Variants in SNX29 observed in about 807,000 individuals in gnomAD.
SNX29 encodes the protein sorting nexin-29.
In SNX29, 78 loss-of-function variants were observed where a neutral mutation model predicts 102.1. That is an observed-to-expected ratio of 0.76 (90% CI 0.64 to 0.92). The LOEUF (loss-of-function observed/expected upper bound fraction) is 0.92. Among genes scored for constraint, SNX29 ranks in the 40% least tolerant of loss-of-function variants. The pLI, the probability that SNX29 is intolerant of heterozygous loss-of-function variation, is 0.00. For missense variants in SNX29, 1,280 were observed against 1,061.7 expected, an observed-to-expected ratio of 1.21 and a Z score of -2.86; for synonymous variants, 580 against 414.5, an observed-to-expected ratio of 1.40 and a Z score of -4.85.
At position 12,568,589 on chromosome 16, in the gene SNX29, G is replaced by C; in HGVS notation, c.2402G>C (p.Arg801Pro). Residue 801 changes from arginine to proline, a missense_variant, in exon 21 of 21, where the codon CGG (arginine) becomes CCG (proline). Coordinates refer to ENST00000566228, the MANE Select transcript of SNX29 (RefSeq NM_032167.5). ...CCCAAACTGTCCCGGGGTCAGCCCC[G>C]GGAGACCCGCAACGTGGAGCCCCAG... is the stretch of plus-strand genomic sequence containing the variant. ...RFPKLSRGQP[R>P]ETRNVEPQSG... The C allele has an allele frequency of 6.2e-7, 1 of 1,606,580 alleles. No individual in the cohort carries two copies. The highest frequency in any genetic ancestry group is 1.1e-5 in the South Asian group (1 of 91,080).
intron 18 of SNX29, among the ~76,000 whole-genome samples, chr16:12,427,793 G>A (rs1597345077): frequency 2.0e-5 from 3 of 152,214 alleles, no homozygotes; most frequent in East Asian, 3.8e-4. Flanking sequence ...GAGCCCTGAT[G>A]TGTCTTCTTG....
At chr16:12,126,551 T>C in intron 11 of SNX29, 82 bp from the exon 12 acceptor site, 3 of 1,397,026 alleles carry the variant, frequency 2.1e-6, no homozygotes, top group Non-Finnish European at 3.0e-6. Flanking sequence ...TCATCCTTAA[T>C]AGCATATAAT....
Position 12,308,402 on chromosome 16 carries a change from C to T in SNX29, c.1782+30366C>T, listed in dbSNP as rs377418264. Among the ~76,000 whole-genome samples the T allele has an allele frequency of 1.3e-4, 20 of 152,322 alleles. No individual in the cohort carries two copies. In the East Asian group the frequency reaches 3.9e-3, roughly 29 times the overall value. On this transcript the variant is annotated intron_variant, in intron 15 of 20. Transcript: ENST00000566228. The stretch of plus-strand genomic sequence containing the variant: ...GGCTTTGGGTGGCATGTTATCCCTT[C>T]TGCAGGGATCAACCTCTTAGTAGCG...
At chr16:12,382,614 C>G (rs1158969920) in intron 16 of SNX29, among the ~76,000 whole-genome samples, 1 of 152,208 alleles carries the variant, frequency 6.6e-6, no homozygotes, top group Admixed American at 6.5e-5. Flanking sequence ...CTGCTGTAAC[C>G]AATTACCATA....
intron 13 of SNX29, among the ~76,000 whole-genome samples, chr16:12,198,406 T>G (rs1358280560): frequency 2.7e-5 from 4 of 149,750 alleles, no homozygotes; most frequent in Middle Eastern, 3.4e-3. Context: ...TTACCATGTT[T>G]TTTGCATTTC....
At chr16:12,567,416 A>G (rs1230031381) in intron 20 of SNX29, among the ~76,000 whole-genome samples, 1 of 152,236 alleles carries the variant, frequency 6.6e-6, no homozygotes, top group Non-Finnish European at 1.5e-5. Context: ...AATAGCGTAT[A>G]GTAGGCAGAG....
intron 11 of SNX29, among the ~76,000 whole-genome samples, chr16:12,111,904 G>T (rs563570992): frequency 3.3e-5 from 5 of 152,246 alleles, no homozygotes; most frequent in African/African-American, 1.2e-4. Flanking sequence ...GGGGTGTGTG[G>T]TGGGGGGTCT....
chr16:12,345,127 CT>C (rs1029531751), intron 15 of SNX29, among the ~76,000 whole-genome samples: 4 of 152,200 alleles, frequency 2.6e-5, no homozygotes, highest in African/African-American at 9.7e-5. Flanking sequence ...TGGCAGTGAT[CT>C]CCAGTAACAC....
At chr16:12,554,367 TGAA>T (rs2078188622) in intron 20 of SNX29, among the ~76,000 whole-genome samples, 1 of 110,626 alleles carries the variant, frequency 9.0e-6, no homozygotes, top group South Asian at 3.6e-4. Context: ...ACCTGTGTCT[TGAA>T]GGTGTTTCTG....
At chr16:12,393,676 T>C (rs1030989902) in intron 16 of SNX29, among the ~76,000 whole-genome samples, 16 of 152,344 alleles carry the variant, frequency 1.1e-4, no homozygotes, top group African/African-American at 3.8e-4. Context: ...ATATTTTGGC[T>C]GAGTCTTAGA....
chr16:12,037,672 C>T (rs886768271), intron 4 of SNX29, among the ~76,000 whole-genome samples: 1 of 151,956 alleles, frequency 6.6e-6, no homozygotes, highest in African/African-American at 2.4e-5. Context: ...GGGAAAGGGA[C>T]CAGGCTCAGT....
chr16:12,028,377 T>G (rs930965101), intron 4 of SNX29, among the ~76,000 whole-genome samples: 44 of 152,312 alleles, frequency 2.9e-4, no homozygotes, highest in African/African-American at 1.0e-3. Context: ...CTTATTTATT[T>G]TTTAGAGTTG....
chr16:12,339,105 C>T (rs373611282), intron 15 of SNX29, among the ~76,000 whole-genome samples: 2 of 152,178 alleles, frequency 1.3e-5, no homozygotes, highest in African/African-American at 4.8e-5. Context: ...TGGTGGCTCA[C>T]ACCTGTAATT....
At chr16:12,048,041 C>T (rs1206409771) in intron 6 of SNX29, among the ~76,000 whole-genome samples, 2 of 152,052 alleles carry the variant, frequency 1.3e-5, no homozygotes, top group African/African-American at 2.4e-5. Flanking sequence ...CCTTTACCTC[C>T]TCCCAGTTGA....
chr16:12,234,961 C>G (rs981576811), intron 14 of SNX29, among the ~76,000 whole-genome samples: 6 of 152,152 alleles, frequency 3.9e-5, no homozygotes, highest in Non-Finnish European at 5.9e-5. Context: ...CCATCCTTCT[C>G]TTCTCTGAGT....
At chr16:12,553,500 C>T (rs557074285) in intron 20 of SNX29, among the ~76,000 whole-genome samples, 4 of 151,728 alleles carry the variant, frequency 2.6e-5, no homozygotes, top group East Asian at 3.9e-4. Context: ...AGGGCAGGTG[C>T]ACACTTGCCA....
At chr16:12,234,782 A>G (rs560812245) in intron 14 of SNX29, among the ~76,000 whole-genome samples, 32 of 152,190 alleles carry the variant, frequency 2.1e-4, no homozygotes, top group African/African-American at 7.7e-4. Flanking sequence ...GTGTTTCCCC[A>G]CCTGAAATTA....
At chr16:12,339,370 CAAAAAAAAAA>C (rs58148692) in intron 15 of SNX29, among the ~76,000 whole-genome samples, 4 of 56,280 alleles carry the variant, frequency 7.1e-5, no homozygotes, top group Non-Finnish European at 8.9e-5. Context: ...GATTCTGTCT[CAAAAAAAAAA>C]AAAAAAAAAA....
chr16:12,420,362 C>T (rs568461534), intron 18 of SNX29, among the ~76,000 whole-genome samples: 1 of 152,292 alleles, frequency 6.6e-6, no homozygotes, highest in African/African-American at 2.4e-5. Flanking sequence ...TCAGAGATGT[C>T]ACATGTGAAG....
Sources: gnomAD v4.1 joint callset for allele counts (sites outside exome capture counted in the v4.1 genomes callset) on GRCh38, gnomAD v4.1.1 for gene constraint, MANE v1.5 for transcripts, NCBI Gene and HGNC (gene_info 2026-07-23, HGNC 2026-07-21) for gene names.